The following TAB2 variants were observed in gnomAD, a reference collection of about 807,000 sequenced individuals.
TAB2 encodes TGF-beta-activated kinase 1 and MAP3K7-binding protein 2.
A neutral mutation model predicts 65.0 loss-of-function variants in TAB2; 3 were observed. The observed-to-expected ratio is 0.05, with a 90% CI of 0.02 to 0.12. The LOEUF (loss-of-function observed/expected upper bound fraction) is 0.12, where lower values mean the gene tolerates loss of function less well. Ranked by LOEUF, TAB2 falls within the 10% of genes least tolerant of loss-of-function variation. The probability of loss-of-function intolerance (pLI) is 1.00; values close to 1 mark genes in which losing one functional copy is unlikely to be tolerated. For missense variants in TAB2, 623 were observed against 840.3 expected (o/e 0.74, Z 3.20); for synonymous variants, 298 against 285.1 (o/e 1.05, Z -0.46).
intron 6 of TAB2, among the ~76,000 whole-genome samples, chr6:149,403,275 T>TAA (rs1170374114): frequency 6.9e-5 from 3 of 43,354 alleles, no homozygotes; most frequent in African/African-American, 3.7e-4. Context: ...TATATATATA[T>TAA]ATATATATAC....
At chr6:149,324,613 G>A (rs1242003577) in intron 1 of TAB2, among the ~76,000 whole-genome samples, 1 of 152,028 alleles carries the variant, frequency 6.6e-6, no homozygotes, top group Non-Finnish European at 1.5e-5. Flanking sequence ...GGCAGTTCAG[G>A]GGAGTGACTT....
chr6:149,367,194 G>C (rs1301223633), intron 1 of TAB2, among the ~76,000 whole-genome samples: 1 of 152,118 alleles, frequency 6.6e-6, no homozygotes. Context: ...ATTGATACAT[G>C]TTATGAAATA....
chr6:149,318,046 G>A (rs957205386), intron 1 of TAB2, 31 bp downstream of exon 1: 4 of 158,348 alleles, frequency 2.5e-5, no homozygotes, highest in Non-Finnish European at 5.6e-5. Flanking sequence ...GGCCTCGGCG[G>A]GATCCCCAAC....
At chr6:149,405,212 G>GAT (rs1782622668) in intron 6 of TAB2, among the ~76,000 whole-genome samples, 7 of 152,198 alleles carry the variant, frequency 4.6e-5, no homozygotes, top group Admixed American at 3.9e-4. Flanking sequence ...AACCCAGTGA[G>GAT]ATACCACCTT....
intron 1 of TAB2, among the ~76,000 whole-genome samples, chr6:149,234,888 C>A (rs536353133): frequency 2.8e-5 from 4 of 143,982 alleles, no homozygotes. Flanking sequence ...AAAACACACT[C>A]TTTTTAAAAA....
chr6:149,280,293 T>C (rs1017714947), intron 1 of TAB2, among the ~76,000 whole-genome samples: 1 of 152,212 alleles, frequency 6.6e-6, no homozygotes, highest in Non-Finnish European at 1.5e-5. Flanking sequence ...TATGGGATGC[T>C]CATGCAGTGT....
chr6:149,395,129 AT>A (rs375603418), intron 3 of TAB2, among the ~76,000 whole-genome samples: 2,399 of 152,322 alleles, frequency 0.016, 52 homozygotes, highest in South Asian at 0.097. Context: ...AAGGGCAAGG[AT>A]TTTTTCCTAT....
chr6:149,313,203 AC>A (rs1158605443), upstream of TAB2, among the ~76,000 whole-genome samples: 11 of 152,012 alleles, frequency 7.2e-5, no homozygotes, highest in African/African-American at 2.4e-4. Flanking sequence ...TCACTCTGTC[AC>A]CCAGGCTGGA....
chr6:149,399,449 G>A (rs1013323486), intron 6 of TAB2, among the ~76,000 whole-genome samples: 1 of 151,944 alleles, frequency 6.6e-6, no homozygotes, highest in Non-Finnish European at 1.5e-5. Context: ...GCAAGTCTTG[G>A]TTAAAAAACA....
At chr6:149,338,840 ATAATTCACC>A (rs1290991871) in intron 1 of TAB2, among the ~76,000 whole-genome samples, 1 of 152,230 alleles carries the variant, frequency 6.6e-6, no homozygotes, top group Non-Finnish European at 1.5e-5. Flanking sequence ...GTAGAGTGAG[ATAATTCACC>A]TTGTAGCAGG....
chr6:149,293,868 T>C (rs1012919235), intron 1 of TAB2, among the ~76,000 whole-genome samples: 5 of 152,246 alleles, frequency 3.3e-5, no homozygotes, highest in African/African-American at 1.2e-4. Flanking sequence ...CTATGAAACC[T>C]CAATTGATCC....
chr6:149,323,139 T>C (rs1196231601), intron 1 of TAB2, among the ~76,000 whole-genome samples: 1 of 152,130 alleles, frequency 6.6e-6, no homozygotes, highest in Non-Finnish European at 1.5e-5. Context: ...TGTAGTAAAC[T>C]CCTGAGTCTG....
intron 1 of TAB2, among the ~76,000 whole-genome samples, chr6:149,310,321 T>A (rs1280903117): frequency 6.6e-6 from 1 of 151,978 alleles, no homozygotes; most frequent in Non-Finnish European, 1.5e-5. Context: ...TGGGTGAGAG[T>A]GAGACCCCAT....
intron 1 of TAB2, among the ~76,000 whole-genome samples, chr6:149,296,393 G>C (rs1336722169): frequency 6.6e-6 from 1 of 152,094 alleles, no homozygotes; most frequent in East Asian, 1.9e-4. Context: ...TAATATTAAA[G>C]AATTATAAAA....
intron 1 of TAB2, among the ~76,000 whole-genome samples, chr6:149,254,115 ACAGGGAAG>A (rs1562389756): frequency 5.9e-5 from 8 of 136,156 alleles, no homozygotes; most frequent in East Asian, 2.2e-4. Flanking sequence ...GGAAGGAAGG[ACAGGGAAG>A]GGAAGGGAAA....
chr6:149,256,728 C>T (rs537048211), intron 1 of TAB2, among the ~76,000 whole-genome samples: 3 of 152,262 alleles, frequency 2.0e-5, no homozygotes, highest in African/African-American at 7.2e-5. Context: ...TATAAGATGA[C>T]TGACATGTAC....
intron 1 of TAB2, among the ~76,000 whole-genome samples, chr6:149,306,365 CCCG>C (rs1341552631): frequency 7.2e-5 from 11 of 151,882 alleles, no homozygotes; most frequent in African/African-American, 2.7e-4. Context: ...ACGGTGAAAC[CCCG>C]TCTCCACTAA....
chr6:149,254,024 AAAG>A (rs1160446026), intron 1 of TAB2, among the ~76,000 whole-genome samples: 3 of 143,302 alleles, frequency 2.1e-5, no homozygotes, highest in African/African-American at 7.9e-5. Context: ...GAAAGAAAGA[AAAG>A]AAAGAAAGAG....
At chr6:149,318,149 C>G (rs568035204) in intron 1 of TAB2, 134 bp downstream of exon 1, 1 of 153,184 alleles carries the variant, frequency 6.5e-6, no homozygotes, top group South Asian at 2.0e-4. Flanking sequence ...TTCTAACTTG[C>G]ACTCTTCCTC....
Sources: gnomAD v4.1 joint callset for allele counts (sites outside exome capture counted in the v4.1 genomes callset) on GRCh38, gnomAD v4.1.1 for gene constraint, MANE v1.5 for transcripts, NCBI Gene and HGNC (gene_info 2026-07-23, HGNC 2026-07-21) for gene names.